The following MYOM1 variants were observed in gnomAD, a reference collection of about 807,000 sequenced individuals.
MYOM1 encodes myomesin-1.
MYOM1 carries 164 observed loss-of-function variants against 205.3 expected under a neutral mutation model. The observed-to-expected ratio is 0.80, with a 90% CI of 0.70 to 0.91. The LOEUF (loss-of-function observed/expected upper bound fraction) is 0.91. Among genes scored for constraint, MYOM1 ranks in the 40% least tolerant of loss-of-function variants. The probability of loss-of-function intolerance (pLI) is 0.00; values close to 1 mark genes in which losing one functional copy is unlikely to be tolerated. For synonymous variants in MYOM1, 772 were observed against 789.4 expected, an observed-to-expected ratio of 0.98 and a Z score of 0.37; for missense variants, 2,011 against 2,127.3, an observed-to-expected ratio of 0.95 and a Z score of 1.08.
At chr18:3,116,651 A>G (rs562153231) in intron 20 of MYOM1, 136 bp from the exon 21 acceptor site, 154 of 821,130 alleles carry the variant, frequency 1.9e-4, no homozygotes, top group African/African-American at 1.8e-3. Flanking sequence ...CCCATGAAAA[A>G]TAAGTATTCT....
intron 25 of MYOM1, among the ~76,000 whole-genome samples, chr18:3,098,423 G>A (rs368049161): frequency 3.3e-5 from 5 of 151,776 alleles, no homozygotes; most frequent in African/African-American, 7.3e-5. Context: ...GATTACAGGC[G>A]CCCACCACCA....
chr18:3,194,074 G>T, intron 2 of MYOM1, 116 bp from the exon 3 acceptor site: 1 of 996,832 alleles, frequency 1.0e-6, no homozygotes, highest in Non-Finnish European at 1.4e-6. Flanking sequence ...GATCTCTAAT[G>T]TTACAATTAT....
At chr18:3,200,384 T>A (rs1167553903) in intron 2 of MYOM1, among the ~76,000 whole-genome samples, 1 of 152,150 alleles carries the variant, frequency 6.6e-6, no homozygotes, top group Non-Finnish European at 1.5e-5. Context: ...AAGCAAAAAT[T>A]GTCTCTGGGT....
intron 20 of MYOM1, among the ~76,000 whole-genome samples, chr18:3,117,411 C>T (rs1308569046): frequency 6.6e-6 from 1 of 152,134 alleles, no homozygotes; most frequent in Admixed American, 6.5e-5. Context: ...TCCTATGGGC[C>T]CTGCATCTGC....
At chr18:3,134,364 C>T (rs963189285) in intron 16 of MYOM1, among the ~76,000 whole-genome samples, 1 of 151,950 alleles carries the variant, frequency 6.6e-6, no homozygotes, top group Non-Finnish European at 1.5e-5. Context: ...GGACTACAGG[C>T]CTGCCACTGC....
At chr18:3,075,522 G>A (rs766122993) in intron 35 of MYOM1, 46 bp from the exon 36 acceptor site, 6 of 1,594,598 alleles carry the variant, frequency 3.8e-6, no homozygotes, top group Non-Finnish European at 5.2e-6. Context: ...TTTTGTGTTA[G>A]TGTTACTTCA....
At position 3,103,908 on chromosome 18, in the gene MYOM1, G is replaced by A. The variant is rs184451503; in HGVS notation, c.3419-1278C>T. On this transcript the variant is annotated intron_variant, in intron 22 of 37. Transcript: ENST00000356443. ...AACTATAAACTTCCAAAAAGTGATTGTTAGCACATGCAAAGCTTAGAGAAG... is the reference window on the plus strand; with the variant it reads ...AACTATAAACTTCCAAAAAGTGATTATTAGCACATGCAAAGCTTAGAGAAG... Among the ~76,000 whole-genome samples, 23 of 152,304 alleles carry A rather than the reference G, an allele frequency of 1.5e-4. 1 individual carries two copies. Among genetic ancestry groups the A allele is most frequent in the Admixed American group, 1.2e-3 (19 of 15,286 alleles).
chr18:3,140,053 C>T lies in MYOM1; in HGVS notation c.2025+1886G>A, dbSNP rs538779977. Among the ~76,000 whole-genome samples the T allele has an allele frequency of 3.1e-3, 474 of 152,278 alleles. 3 individuals are homozygous for T. The highest frequency in any genetic ancestry group is 0.024 in the Middle Eastern group (7 of 294). ...AGATTCAGTGGGGGTGTGTATTAAA[C>T]ACACTAGGAAATGAACATTGATCCA... On this transcript the variant is annotated intron_variant, in intron 14 of 37. Transcript: ENST00000356443.
chr18:3,174,378 G>A (rs1484334161), intron 6 of MYOM1, among the ~76,000 whole-genome samples, 170 bp from the exon 7 acceptor site: 1 of 152,108 alleles, frequency 6.6e-6, no homozygotes, highest in African/African-American at 2.4e-5. Flanking sequence ...CTACCTGTGG[G>A]ATATTACCTA....
At chr18:3,220,270 G>A (rs963002589), upstream of MYOM1, among the ~76,000 whole-genome samples, 1 of 152,186 alleles carries the variant, frequency 6.6e-6, no homozygotes, top group African/African-American at 2.4e-5. Context: ...TCTCAAAATG[G>A]ACTTCGTGGA....
At chr18:3,128,078 T>A (rs1370088240) in intron 18 of MYOM1, among the ~76,000 whole-genome samples, 1 of 152,218 alleles carries the variant, frequency 6.6e-6, no homozygotes, top group African/African-American at 2.4e-5. Flanking sequence ...TTATTTGGAT[T>A]ATAGGAGATA....
intron 5 of MYOM1, among the ~76,000 whole-genome samples, chr18:3,180,255 T>G (rs542317232): frequency 6.6e-6 from 1 of 152,324 alleles, no homozygotes; most frequent in South Asian, 2.1e-4. Flanking sequence ...AGCTAACAAC[T>G]TTTCTATTAT....
chr18:3,070,734 CTT>C (rs796469059), intron 37 of MYOM1, among the ~76,000 whole-genome samples: 1 of 86,768 alleles, frequency 1.2e-5, no homozygotes, highest in Non-Finnish European at 2.3e-5. Flanking sequence ...GGTGCATGTT[CTT>C]TGTGTGTGTG....
At chr18:3,127,305 A>ATATATATTTTTTTT (rs56880961) in intron 18 of MYOM1, among the ~76,000 whole-genome samples, 27 of 47,568 alleles carry the variant, frequency 5.7e-4, no homozygotes, top group African/African-American at 1.6e-3. Context: ...ATATATATAT[A>ATATATATTTTTTTT]TTTTTTTTTT....
chr18:3,147,481 T>A (rs116769141), intron 13 of MYOM1, among the ~76,000 whole-genome samples: 102 of 152,280 alleles, frequency 6.7e-4, no homozygotes, highest in Middle Eastern at 3.4e-3. Context: ...AAGCTGATTT[T>A]AAAATTTTTA....
chr18:3,162,660 C>T (rs2080409073), intron 10 of MYOM1, among the ~76,000 whole-genome samples: 1 of 152,204 alleles, frequency 6.6e-6, no homozygotes, highest in South Asian at 2.1e-4. Context: ...CCTAAAAGTG[C>T]TAATGGTCTT....
chr18:3,129,461 G>A lies in MYOM1; in HGVS notation c.2565C>T (p.Thr855=), dbSNP rs2079844394. The A allele has an allele frequency of 3.1e-6, 5 of 1,613,796 alleles. No homozygotes were observed. The highest frequency in any genetic ancestry group is 1.3e-5 in the African/African-American group (1 of 74,902). Residue 855 remains threonine (T), a synonymous_variant, in exon 18 of 38, where the codon ACC becomes ACT. Transcript: ENST00000356443. ...PALSDEPGGL[T]ASRGRVHEAS... ...CTTCATGCACGCGCCCCCTGGAGGC[G>A]GTTAGTCCACCAGGCTCATCGCTCA...
At position 3,179,655 on chromosome 18, in the gene MYOM1, C is replaced by T. The variant is rs914051088; in HGVS notation, c.930-3521G>A. ...CAGCAGCTTCAGACAGCTGTCTCAA[C>T]ATGGCTCGAGCAGACAGGACTATCT... On this transcript the variant is annotated intron_variant, in intron 5 of 37. Coordinates refer to ENST00000356443, the MANE Select transcript of MYOM1 (RefSeq NM_003803.4). The surrounding 1 kb of genome is among the most constrained non-coding windows in gnomAD (Gnocchi z 4.4). 3.3e-5 allele frequency among the ~76,000 whole-genome samples: 5 copies of T among 152,200 alleles called. No individual in the cohort carries two copies. The highest frequency in any genetic ancestry group is 7.3e-5 in the Non-Finnish European group (5 of 68,046).
chr18:3,243,656 T>C, the MYOM1 span, among the ~76,000 whole-genome samples: 2 of 152,204 alleles, frequency 1.3e-5, no homozygotes, highest in Non-Finnish European at 2.9e-5. Context: ...ATTTACTGTT[T>C]TCCTTTCTAT....
Sources: gnomAD v4.1 joint callset for allele counts (sites outside exome capture counted in the v4.1 genomes callset) on GRCh38, gnomAD v4.1.1 for gene constraint, Gnocchi (gnomAD v3.1) non-coding constraint, MANE v1.5 for transcripts, NCBI Gene and HGNC (gene_info 2026-07-23, HGNC 2026-07-21) for gene names.